NAP1L4: variants seen among roughly 807,000 people sequenced by gnomAD.
The protein encoded by NAP1L4 is nucleosome assembly protein 1-like 4.
Under a neutral mutation model 58.2 loss-of-function variants are expected in NAP1L4, and 15 were observed. That is an observed-to-expected ratio of 0.26 (90% CI 0.17 to 0.40). The LOEUF (loss-of-function observed/expected upper bound fraction) is 0.40, where lower values mean the gene tolerates loss of function less well. NAP1L4 is among the 10% of genes least tolerant of loss of function. The pLI is 1.00. For missense variants in NAP1L4, 384 were observed against 451.1 expected, an observed-to-expected ratio of 0.85 and a Z score of 1.35; for synonymous variants, 171 against 155.6, an observed-to-expected ratio of 1.10 and a Z score of -0.74.
At chr11:2,961,217 C>T (rs7129174) in intron 8 of NAP1L4, among the ~76,000 whole-genome samples, 33,812 of 151,882 alleles carry the variant, frequency 0.22, 3,891 homozygotes, top group South Asian at 0.33. Flanking sequence ...AGTGAAAAAA[C>T]AACTTTCAAA....
intron 15 of NAP1L4, among the ~76,000 whole-genome samples, chr11:2,947,577 A>G (rs1402937068): frequency 2.0e-5 from 3 of 152,082 alleles, no homozygotes; most frequent in Non-Finnish European, 1.5e-5. Context: ...TGAATTTTAC[A>G]TATGAGAGAC....
chr11:2,955,828 C>T lies in NAP1L4; in HGVS notation c.893-62G>A. On this transcript the variant is annotated intron_variant, in intron 10 of 15. Transcript: ENST00000380542. This position sits in a 1 kb window ranked among gnomAD's most constrained non-coding sequence, Gnocchi z 4.2. The stretch of plus-strand genomic sequence containing the variant: ...GTGACAACTCCCAGAATTTTAAAGC[C>T]CACACAGGAGGAAGCTGTGCTGGTA... 2.0e-6 allele frequency: 3 copies of T among 1,482,338 alleles called. No individual in the cohort carries two copies. Among genetic ancestry groups the T allele is most frequent in the Non-Finnish European group, 2.8e-6 (3 of 1,065,772 alleles). The allele number at this position is 1,482,338 out of a possible 1,614,324, so 91.8% of individuals were successfully genotyped here.
At position 2,959,341 on chromosome 11, in the gene NAP1L4, A is replaced by G. The variant is rs529389603; in HGVS notation, c.746+429T>C. ...TATAAAGACTGAAATCAGTGAGTCA[A>G]ACAACAGCTATGCTGCCCCCACCTA... On this transcript the variant is annotated intron_variant, in intron 9 of 15. Coordinates refer to ENST00000380542, the MANE Select transcript of NAP1L4 (RefSeq NM_005969.4). This position sits in a 1 kb window ranked among gnomAD's most constrained non-coding sequence, Gnocchi z 4.9. Among the ~76,000 whole-genome samples, 1 of 152,378 alleles carries G rather than the reference A, an allele frequency of 6.6e-6. No individual in the cohort carries two copies. Among genetic ancestry groups the G allele is most frequent in the South Asian group, 2.1e-4 (1 of 4,830 alleles).
chr11:2,966,848 A>G (rs1033537867), intron 7 of NAP1L4, among the ~76,000 whole-genome samples: 11 of 152,150 alleles, frequency 7.2e-5, no homozygotes, highest in African/African-American at 2.2e-4. Flanking sequence ...ACTTCATAAA[A>G]TAACCATTAT....
chr11:2,989,215 G>A (rs973253800), intron 1 of NAP1L4: 2 of 152,182 alleles, frequency 1.3e-5, no homozygotes, highest in Admixed American at 6.5e-5. Context: ...CATAGTGGTC[G>A]AAGAATCAAA....
At chr11:2,990,547 T>C (rs1480341585) in intron 1 of NAP1L4, 7 of 152,236 alleles carry the variant, frequency 4.6e-5, no homozygotes. Flanking sequence ...GAGATGGAAA[T>C]GATCAACCAG....
In NAP1L4 at chr11:2,945,093, C is replaced by T. The variant is rs973469317; in HGVS notation, c.*586G>A. On this transcript the variant is annotated 3_prime_UTR_variant, in exon 16 of 16. Coordinates refer to ENST00000380542, the MANE Select transcript of NAP1L4 (RefSeq NM_005969.4). ...AGCAACATCCTAAGGAGAACAGGGCCCTACTCTACACAGCCCTTTCTGAGA... is the reference window on the plus strand; with the variant it reads ...AGCAACATCCTAAGGAGAACAGGGCTCTACTCTACACAGCCCTTTCTGAGA... 1.3e-5 allele frequency: 2 copies of T among 152,948 alleles called. No individual in the cohort carries two copies. Among genetic ancestry groups the T allele is most frequent in the African/African-American group, 4.8e-5 (2 of 41,438 alleles). 9.5% of individuals were successfully genotyped at this position (152,948 alleles called of 1,614,324 possible). A position where few individuals can be genotyped will look rare whatever the true frequency, so the allele number is the denominator to read the frequency against.
rs35499396 is a variant in NAP1L4, at chr11:2,981,418, CAAAAAAAAAAAA to C, written c.-17-2193_-17-2182del. ...GGACAACAGAGCAAGTACCCTGTCTCAAAAAAAAAAAAAAAAAAAAAAAAAAAGGCAATAAAC... is the reference window on the plus strand; with the variant it reads ...GGACAACAGAGCAAGTACCCTGTCTCAAAAAAAAAAAAAAAGGCAATAAAC... On this transcript the variant is annotated intron_variant, in intron 1 of 15. Transcript: ENST00000380542. Among the ~76,000 whole-genome samples the C allele has an allele frequency of 1.9e-4, 8 of 41,280 alleles. No individual in the cohort carries two copies. In the South Asian group the frequency reaches 4.1e-3, roughly 21 times the overall value. The allele number at this position is 41,280 out of a possible 152,430, so 27.1% of individuals were successfully genotyped here.
rs772514406 is a variant in NAP1L4 at position 2,955,694 on chromosome 11, C to T, written c.915+50G>A. 5.7e-6 allele frequency: 9 copies of T among 1,581,334 alleles called. No homozygotes were observed. The South Asian group carries it at 1.0e-4, about 18-fold the overall frequency. ...TAACAAGTAGACAAGTAGACATTCA[C>T]TCAGGAGAGACTTCAACAGGAAAAT... On this transcript the variant is annotated intron_variant, in intron 11 of 15. Transcript: ENST00000380542. This position sits in a 1 kb window ranked among gnomAD's most constrained non-coding sequence, Gnocchi z 4.2.
At position 2,944,792 on chromosome 11, in the gene NAP1L4, G is replaced by A. The variant is rs1845855499; in HGVS notation, c.*887C>T. ...GCCGAAGCCCGGCTCCGGCAGCAGGGTGGCGCCTGCGTCATGAGGACGGGC... is the reference window on the plus strand; with the variant it reads ...GCCGAAGCCCGGCTCCGGCAGCAGGATGGCGCCTGCGTCATGAGGACGGGC... On this transcript the variant is annotated 3_prime_UTR_variant, in exon 16 of 16. Coordinates refer to ENST00000380542, the MANE Select transcript of NAP1L4 (RefSeq NM_005969.4). 6.6e-6 allele frequency: 1 copy of A among 152,272 alleles called. No individual in the cohort carries two copies. Among genetic ancestry groups the A allele is most frequent in the African/African-American group, 2.4e-5 (1 of 41,480 alleles). The allele number at this position is 152,272 out of a possible 1,614,324, so 9.4% of individuals were successfully genotyped here.
intron 7 of NAP1L4, among the ~76,000 whole-genome samples, chr11:2,967,245 T>A (rs950554740): frequency 3.3e-5 from 5 of 152,080 alleles, no homozygotes; most frequent in Admixed American, 1.3e-4. Context: ...AGGCTGGGCA[T>A]CATAGCAAGA....
chr11:2,965,038 C>A (rs938317562), intron 7 of NAP1L4, among the ~76,000 whole-genome samples: 19 of 152,232 alleles, frequency 1.2e-4, no homozygotes, highest in African/African-American at 4.3e-4. Flanking sequence ...AATACTGGGG[C>A]AAGGGCCTTC....
chr11:2,970,503 T>C (rs528610458), intron 6 of NAP1L4, among the ~76,000 whole-genome samples: 2 of 152,008 alleles, frequency 1.3e-5, no homozygotes, highest in South Asian at 4.2e-4. Context: ...AGGAAGTGGC[T>C]ATAAATGCCA....
intron 7 of NAP1L4, among the ~76,000 whole-genome samples, chr11:2,966,188 G>T (rs1847265718): frequency 6.6e-6 from 1 of 152,106 alleles, no homozygotes; most frequent in South Asian, 2.1e-4. Context: ...TTTTTTAGTT[G>T]TATGTAATAA....
Position 2,955,362 on chromosome 11 carries a change from A to ATT in NAP1L4, c.915+380_915+381dup, listed in dbSNP as rs3216309. Among the ~76,000 whole-genome samples, 99 of 144,140 alleles carry ATT rather than the reference A, an allele frequency of 6.9e-4. No homozygotes were observed. The highest frequency in any genetic ancestry group is 2.3e-3 in the African/African-American group (91 of 39,558). The allele number at this position is 144,140 out of a possible 152,430, so 94.6% of individuals were successfully genotyped here. On this transcript the variant is annotated intron_variant, in intron 11 of 15. Coordinates refer to ENST00000380542, the MANE Select transcript of NAP1L4 (RefSeq NM_005969.4). The surrounding 1 kb of genome is among the most constrained non-coding windows in gnomAD (Gnocchi z 4.2). ...CAGGCGCTGCCACCGTGTCCAACTA[A>ATT]TTTTTTTTTTTTTTGGTATTTTAAG...
intron 1 of NAP1L4, among the ~76,000 whole-genome samples, chr11:2,980,820 ATTG>A (rs1457028492): frequency 1.3e-5 from 2 of 152,328 alleles, no homozygotes; most frequent in East Asian, 3.9e-4. Context: ...TAAAATTTTT[ATTG>A]TTTAGAAATA....
intron 1 of NAP1L4, among the ~76,000 whole-genome samples, chr11:2,988,346 A>G (rs901156256): frequency 6.6e-6 from 1 of 152,092 alleles, no homozygotes; most frequent in Non-Finnish European, 1.5e-5. Flanking sequence ...CTCTCTACCT[A>G]TTTCATATTG....
intron 8 of NAP1L4, among the ~76,000 whole-genome samples, chr11:2,960,817 A>G (rs2133935178): frequency 6.6e-6 from 1 of 152,352 alleles, no homozygotes; most frequent in South Asian, 2.1e-4. Flanking sequence ...CATTGACCTC[A>G]TCCCTATTTA....
At chr11:2,972,965 T>C (rs1365832073) in intron 4 of NAP1L4, among the ~76,000 whole-genome samples, 2 of 152,058 alleles carry the variant, frequency 1.3e-5, no homozygotes, top group African/African-American at 4.8e-5. Flanking sequence ...AGCAAGACCC[T>C]ATCTTACCAA....
Sources: gnomAD v4.1 joint callset for allele counts (sites outside exome capture counted in the v4.1 genomes callset) on GRCh38, gnomAD v4.1.1 for gene constraint, Gnocchi (gnomAD v3.1) non-coding constraint, MANE v1.5 for transcripts, NCBI Gene and HGNC (gene_info 2026-07-23, HGNC 2026-07-21) for gene names.